The following MIPEP variants were observed in gnomAD, a reference collection of about 807,000 sequenced individuals.
MIPEP encodes the protein mitochondrial intermediate peptidase.
In MIPEP, 79 loss-of-function variants were observed where a neutral mutation model predicts 90.3. The ratio of observed to expected loss-of-function variants is 0.87; its 90% CI spans 0.73 to 1.05. The LOEUF (loss-of-function observed/expected upper bound fraction) is 1.05, where lower values mean the gene tolerates loss of function less well. Ranked by LOEUF, MIPEP falls within the 50% of genes least tolerant of loss-of-function variation. The pLI, the probability that MIPEP is intolerant of heterozygous loss-of-function variation, is 0.00. For missense variants in MIPEP, 940 were observed against 905.6 expected (o/e 1.04, Z -0.49); for synonymous variants, 334 against 315.8 (o/e 1.06, Z -0.61).
At chr13:23,802,614 A>C (rs1168045893) in intron 16 of MIPEP, among the ~76,000 whole-genome samples, 1 of 152,118 alleles carries the variant, frequency 6.6e-6, no homozygotes, top group Admixed American at 6.5e-5. Context: ...ATTTAACTTT[A>C]AATATCATTG....
rs899017897 is a variant in MIPEP at position 23,837,932 on chromosome 13, C to T, written c.1339-176G>A. ...CCTTTTCTTGACATTTTTTATTCTGCTAAAATTTTAATTTTTTAAAACATC... is the reference window on the plus strand; with the variant it reads ...CCTTTTCTTGACATTTTTTATTCTGTTAAAATTTTAATTTTTTAAAACATC... On this transcript the variant is annotated intron_variant, in intron 12 of 18. Transcript: ENST00000382172. 5.3e-5 allele frequency among the ~76,000 whole-genome samples: 8 copies of T among 152,058 alleles called. No individual in the cohort carries two copies. In the South Asian group the frequency reaches 1.7e-3, roughly 32 times the overall value.
intron 14 of MIPEP, among the ~76,000 whole-genome samples, chr13:23,819,226 T>A (rs1953277368): frequency 2.0e-5 from 3 of 152,226 alleles, no homozygotes; most frequent in Admixed American, 6.5e-5. Flanking sequence ...GAGTCACTCA[T>A]GCTAAATGCC....
intron 18 of MIPEP, among the ~76,000 whole-genome samples, chr13:23,733,577 G>C (rs1952228048): frequency 6.6e-6 from 1 of 152,278 alleles, no homozygotes; most frequent in African/African-American, 2.4e-5. Context: ...GACAGCTTGG[G>C]GACTAGAGGT....
rs1871678287 is a variant in MIPEP at position 23,889,156 on chromosome 13, GCGGCT to G, written c.160_164del (p.Ser54LeufsTer15). On this transcript the variant is annotated frameshift_variant, in exon 1 of 19. Coordinates refer to ENST00000382172, the MANE Select transcript of MIPEP (RefSeq NM_005932.4). LOFTEE classifies it high-confidence loss of function. ...CCCGGCGCTCGCCGAACAGGTCCAA[GCGGCT>G]GCCCTGGGGCTTGACATTGAAGGCG... 1 of 1,462,094 alleles carries G rather than the reference GCGGCT, an allele frequency of 6.8e-7. No individual in the cohort carries two copies. Among genetic ancestry groups the G allele is most frequent in the African/African-American group, 1.5e-5 (1 of 67,306 alleles). 90.6% of individuals were successfully genotyped at this position (1,462,094 alleles called of 1,614,324 possible).
intron 18 of MIPEP, among the ~76,000 whole-genome samples, chr13:23,749,903 C>T (rs1419811986): frequency 6.6e-6 from 1 of 152,108 alleles, no homozygotes; most frequent in Non-Finnish European, 1.5e-5. Context: ...GCCCACTTAC[C>T]TTCCAGCCTC....
At chr13:23,770,390 C>T (rs183565599) in intron 16 of MIPEP, among the ~76,000 whole-genome samples, 6 of 152,282 alleles carry the variant, frequency 3.9e-5, no homozygotes, top group Non-Finnish European at 8.8e-5. Flanking sequence ...TTAAATTACG[C>T]TTCTTCAACA....
intron 18 of MIPEP, among the ~76,000 whole-genome samples, chr13:23,751,913 G>C (rs17336602): frequency 0.32 from 45,678 of 143,820 alleles, 7,239 homozygotes; most frequent in South Asian, 0.5. Flanking sequence ...AGAATAGATA[G>C]GTTGCGACAT....
chr13:23,851,685 C>A (rs1489678411), intron 10 of MIPEP, among the ~76,000 whole-genome samples: 1 of 110,350 alleles, frequency 9.1e-6, no homozygotes, highest in Non-Finnish European at 1.8e-5. Flanking sequence ...TATTTCATGT[C>A]TTTTTTTTAA....
chr13:23,823,825 C>T (rs943370090), intron 14 of MIPEP, among the ~76,000 whole-genome samples: 1 of 152,122 alleles, frequency 6.6e-6, no homozygotes, highest in Non-Finnish European at 1.5e-5. Context: ...GAGACCCTGT[C>T]CCTCTCTCAC....
At chr13:23,778,737 A>G (rs1238849540) in intron 16 of MIPEP, among the ~76,000 whole-genome samples, 1 of 127,882 alleles carries the variant, frequency 7.8e-6, no homozygotes, top group Non-Finnish European at 1.7e-5. Context: ...ATAATACATG[A>G]CATCTGCTTA....
chr13:23,797,457 T>C (rs543911372), intron 16 of MIPEP, among the ~76,000 whole-genome samples: 23 of 152,286 alleles, frequency 1.5e-4, no homozygotes, highest in African/African-American at 5.3e-4. Flanking sequence ...CTGAACGTCA[T>C]CCCCACCCCC....
At chr13:23,872,244 C>T (rs1380248362) in intron 5 of MIPEP, among the ~76,000 whole-genome samples, 1 of 152,168 alleles carries the variant, frequency 6.6e-6, no homozygotes, top group African/African-American at 2.4e-5. Context: ...GGTGGATCAC[C>T]TGAGGTCGGG....
chr13:23,870,945 C>A (rs1870776575), intron 5 of MIPEP, among the ~76,000 whole-genome samples: 1 of 152,172 alleles, frequency 6.6e-6, no homozygotes, highest in African/African-American at 2.4e-5. Flanking sequence ...GCTGAGGCAG[C>A]AGGATCACTT....
chr13:23,765,064 C>T (rs943595247), intron 16 of MIPEP, among the ~76,000 whole-genome samples: 1 of 152,118 alleles, frequency 6.6e-6, no homozygotes, highest in African/African-American at 2.4e-5. Flanking sequence ...CACAACCAAA[C>T]GCAGGTGGGA....
intron 8 of MIPEP, among the ~76,000 whole-genome samples, chr13:23,862,785 G>A (rs931001474): frequency 2.0e-5 from 3 of 152,160 alleles, no homozygotes; most frequent in Admixed American, 1.3e-4. Context: ...AAAAACTCTA[G>A]CTGGTCAATA....
intron 14 of MIPEP, among the ~76,000 whole-genome samples, chr13:23,825,487 A>G (rs1214204859): frequency 6.6e-6 from 1 of 152,238 alleles, no homozygotes; most frequent in Non-Finnish European, 1.5e-5. Flanking sequence ...AAATTCTACA[A>G]TGAAAGCACT....
At chr13:23,784,998 G>A (rs1000843044) in intron 16 of MIPEP, among the ~76,000 whole-genome samples, 2 of 152,150 alleles carry the variant, frequency 1.3e-5, no homozygotes, top group African/African-American at 2.4e-5. Flanking sequence ...AACAGATGCT[G>A]GAGAGGATGT....
intron 10 of MIPEP, among the ~76,000 whole-genome samples, chr13:23,850,337 T>C (rs1452697798): frequency 6.6e-6 from 1 of 152,108 alleles, no homozygotes; most frequent in Non-Finnish European, 1.5e-5. Context: ...AAGGTAGCAG[T>C]AAAGGAACTG....
chr13:23,854,861 C>T (rs1184813411), intron 10 of MIPEP, among the ~76,000 whole-genome samples: 1 of 150,690 alleles, frequency 6.6e-6, no homozygotes, highest in Non-Finnish European at 1.5e-5. Context: ...CACTGCACTC[C>T]AGCCTGGGCA....
Sources: allele counts gnomAD v4.1 joint callset (sites outside exome capture counted in the v4.1 genomes callset), GRCh38; gene constraint gnomAD v4.1.1; transcripts MANE v1.5; gene names NCBI Gene and HGNC (gene_info 2026-07-23, HGNC 2026-07-21).